The following DGUOK variants were observed in gnomAD, a reference collection of about 807,000 sequenced individuals.
DGUOK encodes the protein deoxyguanosine kinase, mitochondrial.
A neutral mutation model predicts 36.6 loss-of-function variants in DGUOK; 30 were observed. The ratio of observed to expected loss-of-function variants is 0.82; its 90% CI spans 0.61 to 1.11. The LOEUF (loss-of-function observed/expected upper bound fraction) is 1.11, where lower values mean the gene tolerates loss of function less well. Among genes scored for constraint, DGUOK ranks in the 50% most tolerant of loss-of-function variants. The probability of loss-of-function intolerance (pLI) is 0.00; values close to 1 mark genes in which losing one functional copy is unlikely to be tolerated. For missense variants in DGUOK, 361 were observed against 336.4 expected (o/e 1.07, Z -0.57); for synonymous variants, 145 against 126.3 (o/e 1.15, Z -0.99).
chr2:73,934,039 G>A (rs1000396717), intron 1 of DGUOK, among the ~76,000 whole-genome samples: 3 of 152,144 alleles, frequency 2.0e-5, no homozygotes, highest in Admixed American at 6.5e-5. Flanking sequence ...TTCAGGAGAT[G>A]AAAATGCCTA....
chr2:73,942,791 T>C (rs552624135), intron 2 of DGUOK, among the ~76,000 whole-genome samples: 1 of 152,364 alleles, frequency 6.6e-6, no homozygotes, highest in South Asian at 2.1e-4. Context: ...TTAATGAAAC[T>C]GCCTCTAATA....
intron 4 of DGUOK, among the ~76,000 whole-genome samples, chr2:73,951,748 G>A (rs1682721075): frequency 6.6e-6 from 1 of 152,208 alleles, no homozygotes; most frequent in South Asian, 2.1e-4. Flanking sequence ...AGGAAAAAAG[G>A]CCCTTGAATG....
chr2:73,940,355 T>C (rs1681812482), intron 2 of DGUOK, among the ~76,000 whole-genome samples: 1 of 152,246 alleles, frequency 6.6e-6, no homozygotes, highest in African/African-American at 2.4e-5. Flanking sequence ...ACATTCTGGA[T>C]GTAGTCTAAG....
At chr2:73,946,070 A>AAAG (rs56231941) in intron 2 of DGUOK, among the ~76,000 whole-genome samples, 76,611 of 142,700 alleles carry the variant, frequency 0.54, 22,242 homozygotes, top group Non-Finnish European at 0.63. Flanking sequence ...AAAAAAAAAA[A>AAAG]AATCCGGGGC....
At position 73,938,985 on chromosome 2, in the gene DGUOK, C is replaced by G. The variant is rs1285250719; in HGVS notation, c.218C>G (p.Ala73Gly). ...PEWHVATEPV[A>G]TWQNIQAAGT... ...TGGCACGTAGCTACAGAACCTGTAG[C>G]AACATGGCAGAATATCCAGGCTGCT... Residue 73 changes from alanine to glycine, a missense_variant, in exon 2 of 7, where the codon GCA becomes GGA. Transcript: ENST00000264093. 1.9e-6 allele frequency: 3 copies of G among 1,614,072 alleles called. No individual in the cohort carries two copies. The Admixed American group carries it at 5.0e-5, about 27-fold the overall frequency.
intron 5 of DGUOK, among the ~76,000 whole-genome samples, 177 bp downstream of exon 5, chr2:73,957,417 C>T (rs1187887637): frequency 6.6e-6 from 1 of 152,218 alleles, no homozygotes; most frequent in East Asian, 1.9e-4. Flanking sequence ...CCGTGGCTCA[C>T]GCCTGTAATC....
Position 73,951,285 on chromosome 2 carries a change from G to C in DGUOK, c.591+553G>C, listed in dbSNP as rs990343940. ...GAAGTAGGATGATGTCACGGCAGGA[G>C]CACCAGAGTCTCTGGAGATAGAAGT... On this transcript the variant is annotated intron_variant, in intron 4 of 6. Transcript: ENST00000264093. 2.0e-4 allele frequency among the ~76,000 whole-genome samples: 30 copies of C among 152,140 alleles called. 1 individual carries two copies. The highest frequency in any genetic ancestry group is 6.5e-5 in the Admixed American group (1 of 15,276).
At chr2:73,937,604 A>G (rs1681566694) in intron 1 of DGUOK, among the ~76,000 whole-genome samples, 1 of 152,190 alleles carries the variant, frequency 6.6e-6, no homozygotes, top group Non-Finnish European at 1.5e-5. Context: ...TCATACCCTG[A>G]GGTCTGGGAT....
chr2:73,940,981 A>G (rs1200055723), intron 2 of DGUOK, among the ~76,000 whole-genome samples: 1 of 152,232 alleles, frequency 6.6e-6, no homozygotes, highest in Non-Finnish European at 1.5e-5. Flanking sequence ...CCCTTCTAGA[A>G]GTAGAGCGTA....
intron 5 of DGUOK, among the ~76,000 whole-genome samples, chr2:73,957,612 T>G (rs1253297181): frequency 6.6e-6 from 1 of 152,122 alleles, no homozygotes; most frequent in East Asian, 1.9e-4. Context: ...AGGCAAAGAT[T>G]GCGGTGAGCC....
At chr2:73,936,619 C>G (rs1681485369) in intron 1 of DGUOK, among the ~76,000 whole-genome samples, 1 of 152,188 alleles carries the variant, frequency 6.6e-6, no homozygotes, top group Non-Finnish European at 1.5e-5. Context: ...CCCCTTCTTT[C>G]CCTTGAGAAA....
chr2:73,941,875 A>G (rs142639371), intron 2 of DGUOK, among the ~76,000 whole-genome samples: 8 of 150,234 alleles, frequency 5.3e-5, no homozygotes, highest in Middle Eastern at 3.5e-3. Context: ...TATGTTAAGT[A>G]TATTAACTCT....
chr2:73,958,635 T>A, intron 6 of DGUOK, 75 bp from the exon 7 acceptor site: 1 of 1,274,968 alleles, frequency 7.8e-7, no homozygotes, highest in East Asian at 2.3e-5. Flanking sequence ...CTTGGCTGCA[T>A]ATGCATTGGG....
chr2:73,954,788 A>C (rs1682965978), intron 4 of DGUOK, among the ~76,000 whole-genome samples: 1 of 152,190 alleles, frequency 6.6e-6, no homozygotes, highest in Non-Finnish European at 1.5e-5. Flanking sequence ...GCAGAGCAGC[A>C]GTTCTTCTTC....
chr2:73,953,719 CTTT>C (rs386390474), intron 4 of DGUOK, among the ~76,000 whole-genome samples: 6,657 of 95,368 alleles, frequency 0.07, 147 homozygotes, highest in African/African-American at 0.13. Context: ...TCCCTAACTT[CTTT>C]TTTTTTTTTT....
In DGUOK at chr2:73,957,147, A is replaced by G. The variant is rs778233697; in HGVS notation, c.614A>G (p.Gln205Arg). 6 of 1,614,116 alleles carry G rather than the reference A, an allele frequency of 3.7e-6. No homozygotes were observed. The East Asian group carries it at 8.9e-5, about 24-fold the overall frequency. The change falls in exon 5 of 7, where the codon CAG (glutamine) becomes CGG (arginine). Residue 205 changes from glutamine (Q) to arginine (R), a missense_variant. By Grantham distance (43) the Gln-to-Arg change is conservative. Transcript: ENST00000264093. The part of the protein sequence containing the change: ...SPQVCLKRLY[Q>R]RAREEEKGIE... The stretch of plus-strand genomic sequence containing the variant: ...TAGGTTTGTTTGAAGAGACTGTACC[A>G]GAGGGCCAGGGAGGAGGAGAAAGGA...
At chr2:73,936,904 G>A (rs958973759) in intron 1 of DGUOK, among the ~76,000 whole-genome samples, 1 of 152,160 alleles carries the variant, frequency 6.6e-6, no homozygotes, top group African/African-American at 2.4e-5. Flanking sequence ...GAGGTGTCAG[G>A]ATCTGGAAAG....
intron 1 of DGUOK, among the ~76,000 whole-genome samples, chr2:73,935,860 T>TA (rs1339258566): frequency 6.6e-6 from 1 of 152,236 alleles, no homozygotes; most frequent in Admixed American, 6.5e-5. Context: ...TATTTCCTGT[T>TA]ACATCTAATT....
chr2:73,928,589 G>A (rs905771855), intron 1 of DGUOK, among the ~76,000 whole-genome samples: 3 of 152,186 alleles, frequency 2.0e-5, no homozygotes, highest in Non-Finnish European at 4.4e-5. Context: ...AAGTGTGTTC[G>A]GGGAATAGGA....
Sources: allele counts gnomAD v4.1 joint callset (sites outside exome capture counted in the v4.1 genomes callset), GRCh38; gene constraint gnomAD v4.1.1; transcripts MANE v1.5; gene names NCBI Gene and HGNC (gene_info 2026-07-23, HGNC 2026-07-21).